The following SEC63 variants were observed in gnomAD, a reference collection of about 807,000 sequenced individuals.
The protein encoded by SEC63 is SEC63 protein translocation regulator, also known as translocation protein SEC63 homolog.
A neutral mutation model predicts 116.2 loss-of-function variants in SEC63; 56 were observed. That is an observed-to-expected ratio of 0.48 (90% CI 0.39 to 0.60). The LOEUF (loss-of-function observed/expected upper bound fraction) is 0.60. Ranked by LOEUF, SEC63 falls within the 20% of genes least tolerant of loss-of-function variation. The pLI is 0.00. For missense variants in SEC63, 668 were observed against 900.0 expected (o/e 0.74, Z 3.30); for synonymous variants, 273 against 294.6 (o/e 0.93, Z 0.75).
At chr6:107,940,813 G>C (rs367648107) in intron 1 of SEC63, among the ~76,000 whole-genome samples, 1 of 147,436 alleles carries the variant, frequency 6.8e-6, no homozygotes, top group Non-Finnish European at 1.5e-5. Flanking sequence ...AAAAAGACTC[G>C]CTGCAGTATC....
Position 107,929,499 on chromosome 6 carries a change from T to G in SEC63, c.140A>C (p.Lys47Thr), listed in dbSNP as rs367787831. The change falls in exon 2 of 21, where the codon AAG becomes ACG. Residue 47 changes from lysine (K) to threonine (T), a missense_variant. Transcript: ENST00000369002. ...CCTTCCATATACTTTTCTGATATTC[T>G]TTAATCGAATTTGCTCTGTCAAGAA... ...RDQNAEQIRL[K>T]NIRKVYGRCM... The G allele has an allele frequency of 4.4e-6, 7 of 1,591,102 alleles. No homozygotes were observed. Among genetic ancestry groups the G allele is most frequent in the Non-Finnish European group, 5.2e-6 (6 of 1,159,570 alleles).
At chr6:107,955,753 G>A (rs1246874131) in intron 1 of SEC63, among the ~76,000 whole-genome samples, 1 of 152,054 alleles carries the variant, frequency 6.6e-6, no homozygotes, top group Non-Finnish European at 1.5e-5. Context: ...AAGCCTGGTG[G>A]TGCACGCCTG....
Position 107,877,058 on chromosome 6 carries a change from T to C in SEC63, c.1936-396A>G, listed in dbSNP as rs1314230963. 10 of 73,334 alleles carry C rather than the reference T, an allele frequency of 1.4e-4. No homozygotes were observed. In the African/African-American group the frequency reaches 1.8e-3, roughly 13 times the overall value. The allele number at this position is 73,334 out of a possible 1,614,324, so 4.5% of individuals were successfully genotyped here. On this transcript the variant is annotated intron_variant, in intron 18 of 20. Transcript: ENST00000369002. The stretch of plus-strand genomic sequence containing the variant: ...ACAAAGTTGGAGTGGAAGGAACATA[T>C]ATATATGTGTGTGTATATATATATA...
At chr6:107,935,178 G>A (rs1374750502) in intron 1 of SEC63, among the ~76,000 whole-genome samples, 1 of 148,968 alleles carries the variant, frequency 6.7e-6, no homozygotes, top group Non-Finnish European at 1.5e-5. Flanking sequence ...GGGGGGGTCA[G>A]CCCCCCGCCC....
chr6:107,870,957 CAG>C lies in SEC63; in HGVS notation c.*745_*746del. On this transcript the variant is annotated 3_prime_UTR_variant, in exon 21 of 21. Coordinates refer to ENST00000369002, the MANE Select transcript of SEC63 (RefSeq NM_007214.5). ...GTTTAATAACATAAGCCACCAGTAT[CAG>C]AAAACATACAGTCCCACTATCACTT... The C allele has an allele frequency of 6.5e-6, 1 of 152,678 alleles. No individual in the cohort carries two copies. Among genetic ancestry groups the C allele is most frequent in the East Asian group, 1.9e-4 (1 of 5,184 alleles). The allele number at this position is 152,678 out of a possible 1,614,324, so 9.5% of individuals were successfully genotyped here.
At chr6:107,946,973 C>T (rs1330864706) in intron 1 of SEC63, among the ~76,000 whole-genome samples, 1 of 152,202 alleles carries the variant, frequency 6.6e-6, no homozygotes, top group Non-Finnish European at 1.5e-5. Flanking sequence ...CACTGCACTC[C>T]AGCCTGGGCA....
intron 1 of SEC63, among the ~76,000 whole-genome samples, chr6:107,936,307 C>A (rs899641058): frequency 6.6e-6 from 1 of 152,206 alleles, no homozygotes; most frequent in African/African-American, 2.4e-5. Context: ...CCACAGTTTA[C>A]ACATTAACAT....
At chr6:107,940,313 G>A (rs1770348417) in intron 1 of SEC63, among the ~76,000 whole-genome samples, 1 of 152,158 alleles carries the variant, frequency 6.6e-6, no homozygotes, top group African/African-American at 2.4e-5. Flanking sequence ...CAAGAGCTTT[G>A]TCTTCCTTAA....
intron 2 of SEC63, among the ~76,000 whole-genome samples, chr6:107,928,350 G>A (rs1233134632): frequency 2.0e-5 from 3 of 151,904 alleles, no homozygotes; most frequent in Non-Finnish European, 2.9e-5. Flanking sequence ...TTAACCAGGT[G>A]TAGTGGCATG....
At chr6:107,919,892 G>C (rs139319132) in intron 4 of SEC63, among the ~76,000 whole-genome samples, 28 of 151,948 alleles carry the variant, frequency 1.8e-4, no homozygotes, top group Middle Eastern at 3.4e-3. Context: ...TCACATGCTA[G>C]AGAAATCTTT....
At position 107,904,614 on chromosome 6, in the gene SEC63, A is replaced by G. The variant is rs566030149; in HGVS notation, c.1054+15T>C. 20 of 1,572,264 alleles carry G rather than the reference A, an allele frequency of 1.3e-5. No individual in the cohort carries two copies. The South Asian group carries it at 1.9e-4, about 15-fold the overall frequency. ...AAGAAAAAGTATAACATAATTAACT[A>G]TATTTCCTCCTCACCTTCACGGTTC... On this transcript the variant is annotated intron_variant, in intron 11 of 20. Coordinates refer to ENST00000369002, the MANE Select transcript of SEC63 (RefSeq NM_007214.5).
intron 19 of SEC63, among the ~76,000 whole-genome samples, chr6:107,874,390 T>G (rs552738642): frequency 1.1e-4 from 17 of 152,110 alleles, no homozygotes; most frequent in African/African-American, 3.6e-4. Flanking sequence ...GTCAGGAGAT[T>G]GAGACCATCA....
At chr6:107,904,472 T>C (rs1048123138) in intron 11 of SEC63, among the ~76,000 whole-genome samples, 157 bp downstream of exon 11, 1 of 146,788 alleles carries the variant, frequency 6.8e-6, no homozygotes, top group Non-Finnish European at 1.5e-5. Flanking sequence ...TAATAGAAAA[T>C]ATAGGAAAGA....
intron 1 of SEC63, among the ~76,000 whole-genome samples, chr6:107,940,171 T>G (rs2300609): frequency 0.038 from 5,701 of 151,314 alleles, 317 homozygotes; most frequent in East Asian, 0.17. Flanking sequence ...ACTGAAAATG[T>G]TCTTGAACTA....
chr6:107,949,989 A>G (rs1289480442), intron 1 of SEC63, among the ~76,000 whole-genome samples: 1 of 152,164 alleles, frequency 6.6e-6, no homozygotes, highest in Non-Finnish European at 1.5e-5. Context: ...GTTCCAATCA[A>G]AAGACTGGCA....
chr6:107,911,529 T>A (rs1328175421), intron 6 of SEC63, 133 bp from the exon 7 acceptor site: 1 of 702,832 alleles, frequency 1.4e-6, no homozygotes, highest in Non-Finnish European at 2.5e-6. Context: ...GTTTAATCCT[T>A]ATTCTCAAAC....
At position 107,867,884 on chromosome 6, in the gene SEC63, A is replaced by C. The variant is rs1786031892; in HGVS notation, c.*3820T>G. 6.6e-6 allele frequency: 1 copy of C among 152,230 alleles called. No homozygotes were observed. The highest frequency in any genetic ancestry group is 1.5e-5 in the Non-Finnish European group (1 of 68,040). 9.4% of individuals were successfully genotyped at this position (152,230 alleles called of 1,614,324 possible). ...AGATTAAATACAAATAATCATCTTA[A>C]TACTTCCTCAATGGATTGATCATCT... On this transcript the variant is annotated 3_prime_UTR_variant, in exon 21 of 21. Transcript: ENST00000369002.
In SEC63 at chr6:107,921,929, A is replaced by C. The variant is rs748734853; in HGVS notation, c.340-20T>G. 1.1e-4 allele frequency: 142 copies of C among 1,270,100 alleles called. 1 individual carries two copies. The highest frequency in any genetic ancestry group is 1.5e-4 in the Non-Finnish European group (134 of 879,562). The allele number at this position is 1,270,100 out of a possible 1,614,324, so 78.7% of individuals were successfully genotyped here. A position where few individuals can be genotyped will look rare whatever the true frequency, so the allele number is the denominator to read the frequency against. On this transcript the variant is annotated intron_variant, in intron 3 of 20. Coordinates refer to ENST00000369002, the MANE Select transcript of SEC63 (RefSeq NM_007214.5). Reference sequence around the variant, plus strand: ...GGCTCCCTGGGGAAAAACAAAAAAAAAAAACAAGCTTTCTGTTAGCAAAAA... The same window carrying C: ...GGCTCCCTGGGGAAAAACAAAAAAACAAAACAAGCTTTCTGTTAGCAAAAA...
intron 4 of SEC63, among the ~76,000 whole-genome samples, chr6:107,919,932 TTTAA>T (rs768356208): frequency 6.6e-6 from 1 of 152,188 alleles, no homozygotes; most frequent in Non-Finnish European, 1.5e-5. Flanking sequence ...ATGTAGTCAA[TTTAA>T]TTGTCGTCTT....
Sources: allele counts gnomAD v4.1 joint callset (sites outside exome capture counted in the v4.1 genomes callset), GRCh38; gene constraint gnomAD v4.1.1; transcripts MANE v1.5; gene names NCBI Gene and HGNC (gene_info 2026-07-23, HGNC 2026-07-21).